The following FAF1 variants were observed in gnomAD, a reference collection of about 807,000 sequenced individuals.
The protein encoded by FAF1 is Fas associated factor 1, also known as FAS-associated factor 1.
FAF1 carries 25 observed loss-of-function variants against 92.5 expected under a neutral mutation model. The observed-to-expected ratio is 0.27, with a 90% CI of 0.20 to 0.38. The LOEUF (loss-of-function observed/expected upper bound fraction) is 0.38. Ranked by LOEUF, FAF1 falls within the 10% of genes least tolerant of loss-of-function variation. FAF1 has a pLI of 1.00. For missense variants in FAF1, 636 were observed against 793.3 expected, an observed-to-expected ratio of 0.80 and a Z score of 2.38; for synonymous variants, 234 against 273.2, an observed-to-expected ratio of 0.86 and a Z score of 1.42.
At chr1:50,515,230 C>T (rs1647202107) in intron 15 of FAF1, among the ~76,000 whole-genome samples, 1 of 152,108 alleles carries the variant, frequency 6.6e-6, no homozygotes, top group South Asian at 2.1e-4. Flanking sequence ...TTTTCATTCC[C>T]ACAATACCAC....
intron 13 of FAF1, among the ~76,000 whole-genome samples, chr1:50,561,708 T>A (rs1233745465): frequency 6.6e-6 from 1 of 151,898 alleles, no homozygotes; most frequent in Admixed American, 6.6e-5. Flanking sequence ...CACCTGTAGT[T>A]CCAGCTACTC....
chr1:50,498,667 T>C (rs759224847), intron 15 of FAF1, among the ~76,000 whole-genome samples: 4 of 152,056 alleles, frequency 2.6e-5, no homozygotes, highest in Admixed American at 6.6e-5. Flanking sequence ...CTGACCAATA[T>C]GGTGAAACCC....
intron 5 of FAF1, among the ~76,000 whole-genome samples, chr1:50,740,834 AACACAC>A (rs147632431): frequency 3.8e-4 from 58 of 150,924 alleles, no homozygotes; most frequent in Non-Finnish European, 5.9e-4. Context: ...ACATGCAAAC[AACACAC>A]ACACACACAC....
chr1:50,441,493 A>G lies in FAF1; in HGVS notation c.1900T>C (p.Leu634=), dbSNP rs1436678185. 1 of 1,545,932 alleles carries G rather than the reference A, an allele frequency of 6.5e-7. No individual in the cohort carries two copies. The highest frequency in any genetic ancestry group is 8.8e-7 in the Non-Finnish European group (1 of 1,142,690). Residue 634 remains leucine, a synonymous_variant, in exon 19 of 19, where the codon TTG becomes CTG. Coordinates refer to ENST00000396153, the MANE Select transcript of FAF1 (RefSeq NM_007051.3). Reference sequence around the variant, plus strand: ...TCTTGAGGGAACAACTTTACCTCCAATAATGATTTATTTGGGTCCAGTTGA... The same window carrying G: ...TCTTGAGGGAACAACTTTACCTCCAGTAATGATTTATTTGGGTCCAGTTGA... The part of the protein sequence containing the change: ...VTQLDPNKSL[L]EVKLFPQETL...
intron 1 of FAF1, among the ~76,000 whole-genome samples, chr1:50,878,692 A>G (rs1644589215): frequency 6.6e-6 from 1 of 152,178 alleles, no homozygotes; most frequent in African/African-American, 2.4e-5. Flanking sequence ...CACAAGATAG[A>G]TATTATTATG....
At chr1:50,899,665 C>G (rs758462174) in intron 1 of FAF1, among the ~76,000 whole-genome samples, 28 of 152,156 alleles carry the variant, frequency 1.8e-4, no homozygotes, top group Non-Finnish European at 3.4e-4. Flanking sequence ...GTTGGCCAGG[C>G]TGGTCTTGAG....
chr1:50,455,936 T>C (rs532788244), intron 18 of FAF1, among the ~76,000 whole-genome samples: 112 of 152,116 alleles, frequency 7.4e-4, no homozygotes, highest in African/African-American at 2.3e-3. Flanking sequence ...AGCCGGGCAG[T>C]AGATGGCATG....
chr1:50,601,332 G>A (rs1338495143), intron 8 of FAF1, among the ~76,000 whole-genome samples: 1 of 152,050 alleles, frequency 6.6e-6, no homozygotes, highest in Non-Finnish European at 1.5e-5. Context: ...TGTTAAGCTT[G>A]GTCCTCAGAG....
chr1:50,746,580 G>A (rs1659632297), intron 4 of FAF1, among the ~76,000 whole-genome samples: 1 of 151,690 alleles, frequency 6.6e-6, no homozygotes, highest in Non-Finnish European at 1.5e-5. Context: ...GGGATTACAG[G>A]CATGAGCCAC....
chr1:50,531,812 T>C (rs997397951), intron 15 of FAF1, among the ~76,000 whole-genome samples: 2 of 152,148 alleles, frequency 1.3e-5, no homozygotes, highest in African/African-American at 2.4e-5. Context: ...AGTGTATAAA[T>C]ATGGTTCAGG....
chr1:50,897,347 G>A (rs530815740), intron 1 of FAF1, among the ~76,000 whole-genome samples: 3 of 152,172 alleles, frequency 2.0e-5, no homozygotes, highest in South Asian at 2.1e-4. Context: ...GAGTGTGATT[G>A]TCTGTTCCCA....
chr1:50,678,989 A>C lies in FAF1; in HGVS notation c.658-23461T>G, dbSNP rs143300969. Among the ~76,000 whole-genome samples the C allele has an allele frequency of 9.8e-3, 1,486 of 152,082 alleles. 20 individuals are homozygous for C. The highest frequency in any genetic ancestry group is 0.034 in the African/African-American group (1,409 of 41,482). On this transcript the variant is annotated intron_variant, in intron 7 of 18. Coordinates refer to ENST00000396153, the MANE Select transcript of FAF1 (RefSeq NM_007051.3). ...GTAGTCCCAGCTACTCGGGAGGCTG[A>C]AGCAGGAGAATGGCATGAACCCGGG...
chr1:50,573,147 C>T (rs1046937076), intron 12 of FAF1, among the ~76,000 whole-genome samples: 1 of 151,510 alleles, frequency 6.6e-6, no homozygotes. Flanking sequence ...GCTCTGTTGC[C>T]CAGGCTGATG....
intron 4 of FAF1, among the ~76,000 whole-genome samples, chr1:50,750,835 C>T (rs1659833225): frequency 1.3e-5 from 2 of 151,556 alleles, no homozygotes; most frequent in African/African-American, 4.8e-5. Flanking sequence ...GCAGGCCAGG[C>T]TGGTCTCAAA....
At chr1:50,956,984 G>A (rs535515260) in intron 1 of FAF1, among the ~76,000 whole-genome samples, 3 of 152,148 alleles carry the variant, frequency 2.0e-5, no homozygotes, top group African/African-American at 7.2e-5. Flanking sequence ...AAATTACCTG[G>A]TTTTCTTATA....
chr1:50,905,725 G>T lies in FAF1; in HGVS notation c.46-47728C>A, dbSNP rs146869073. ...ATATCCTTCACCCACTTTTTGATGG[G>T]GTTGATTTTTTCTTGTAAATATGTT... is the stretch of plus-strand genomic sequence containing the variant. On this transcript the variant is annotated intron_variant, in intron 1 of 18. Transcript: ENST00000396153. Among the ~76,000 whole-genome samples the T allele has an allele frequency of 1.1e-3, 167 of 152,136 alleles. 1 individual carries two copies. The highest frequency in any genetic ancestry group is 9.6e-3 in the Admixed American group (146 of 15,282).
chr1:50,724,954 A>G (rs1443821914), intron 6 of FAF1, among the ~76,000 whole-genome samples: 2 of 152,216 alleles, frequency 1.3e-5, no homozygotes, highest in East Asian at 1.9e-4. Flanking sequence ...AGACTCAATC[A>G]TAACTCCTAC....
chr1:50,883,372 C>T (rs1055075478), intron 1 of FAF1, among the ~76,000 whole-genome samples: 1 of 152,106 alleles, frequency 6.6e-6, no homozygotes, highest in Non-Finnish European at 1.5e-5. Context: ...CAGTTACCAC[C>T]TAAACTAAAT....
chr1:50,671,089 T>C (rs551014409), intron 7 of FAF1, among the ~76,000 whole-genome samples: 1 of 152,182 alleles, frequency 6.6e-6, no homozygotes, highest in South Asian at 2.1e-4. Flanking sequence ...CATCAAATAG[T>C]CTAAACATTC....
Sources: allele counts gnomAD v4.1 joint callset (sites outside exome capture counted in the v4.1 genomes callset), GRCh38; gene constraint gnomAD v4.1.1; transcripts MANE v1.5; gene names NCBI Gene and HGNC (gene_info 2026-07-23, HGNC 2026-07-21).